CEP112: variants seen among roughly 807,000 people sequenced by gnomAD.
The protein encoded by CEP112 is centrosomal protein of 112 kDa.
Under a neutral mutation model 153.0 loss-of-function variants are expected in CEP112, and 127 were observed. The observed-to-expected ratio is 0.83, with a 90% CI of 0.72 to 0.96. The LOEUF is 0.96. Among genes scored for constraint, CEP112 ranks in the 40% least tolerant of loss-of-function variants. The pLI, the probability that CEP112 is intolerant of heterozygous loss-of-function variation, is 0.00. For synonymous variants in CEP112, 358 were observed against 374.4 expected, an observed-to-expected ratio of 0.96 and a Z score of 0.51; for missense variants, 1,089 against 1,101.2, an observed-to-expected ratio of 0.99 and a Z score of 0.16.
intron 23 of CEP112, among the ~76,000 whole-genome samples, chr17:65,693,815 T>G (rs1307139189): frequency 6.6e-6 from 1 of 152,178 alleles, no homozygotes; most frequent in Non-Finnish European, 1.5e-5. Flanking sequence ...ACAGGACCTC[T>G]GGCAGGGAAT....
At chr17:65,654,765 C>T (rs2045970242) in intron 24 of CEP112, 1 of 365,254 alleles carries the variant, frequency 2.7e-6, no homozygotes, top group Non-Finnish European at 5.3e-6. Context: ...GATTCACACA[C>T]AGAGGAAAGA....
At position 66,130,499 on chromosome 17, in the gene CEP112, G is replaced by A. The variant is rs562753278; in HGVS notation, c.565-676C>T. On this transcript the variant is annotated intron_variant, in intron 5 of 26. Transcript: ENST00000535342. ...CATCATAAAAACACAATTATGGTTG[G>A]GCACAGTGGCTCACACCTGTAATCC... is the stretch of plus-strand genomic sequence containing the variant. 5.3e-5 allele frequency among the ~76,000 whole-genome samples: 8 copies of A among 152,046 alleles called. No homozygotes were observed. In the East Asian group the frequency reaches 1.5e-3, roughly 29 times the overall value.
chr17:66,088,455 A>G (rs2068021271), intron 8 of CEP112, among the ~76,000 whole-genome samples: 6 of 152,006 alleles, frequency 3.9e-5, no homozygotes, highest in Admixed American at 3.3e-4. Context: ...TCATCAGGCC[A>G]GCACTCACAG....
At chr17:65,878,408 CT>C in intron 20 of CEP112, among the ~76,000 whole-genome samples, 1 of 152,226 alleles carries the variant, frequency 6.6e-6, no homozygotes, top group Non-Finnish European at 1.5e-5. Flanking sequence ...TAAAAGTCTG[CT>C]TTTAGTGACC....
chr17:65,818,710 T>C (rs1049088429), intron 21 of CEP112, among the ~76,000 whole-genome samples: 1 of 151,928 alleles, frequency 6.6e-6, no homozygotes, highest in Non-Finnish European at 1.5e-5. Context: ...GTTTTGGTTA[T>C]TTAACACAGC....
chr17:65,851,671 C>T (rs1284824341), intron 21 of CEP112, 133 bp downstream of exon 21: 22 of 648,982 alleles, frequency 3.4e-5, no homozygotes, highest in Admixed American at 9.1e-5. Context: ...TTAAATTCCT[C>T]GACTGAAGAG....
At chr17:65,879,598 T>C (rs1265690369) in intron 20 of CEP112, among the ~76,000 whole-genome samples, 3 of 151,720 alleles carry the variant, frequency 2.0e-5, no homozygotes, top group Non-Finnish European at 2.9e-5. Context: ...CAAATAACTA[T>C]GAAAGATAAA....
chr17:65,770,895 C>T (rs943238655), intron 21 of CEP112, among the ~76,000 whole-genome samples: 2 of 145,848 alleles, frequency 1.4e-5, no homozygotes, highest in African/African-American at 2.5e-5. Flanking sequence ...AGCCACTGCA[C>T]TCCAGCCTGG....
intron 21 of CEP112, among the ~76,000 whole-genome samples, chr17:65,776,032 T>G (rs1346896223): frequency 6.6e-6 from 1 of 152,196 alleles, no homozygotes; most frequent in Non-Finnish European, 1.5e-5. Flanking sequence ...TAATCAGAGA[T>G]GAACTCGCTG....
At chr17:66,062,304 T>C (rs2066954326) in intron 11 of CEP112, among the ~76,000 whole-genome samples, 1 of 152,058 alleles carries the variant, frequency 6.6e-6, no homozygotes, top group Non-Finnish European at 1.5e-5. Context: ...TGGACAATAA[T>C]ATAGGAGAAA....
At chr17:65,819,988 T>C (rs964858803) in intron 21 of CEP112, among the ~76,000 whole-genome samples, 2 of 152,060 alleles carry the variant, frequency 1.3e-5, no homozygotes, top group Non-Finnish European at 2.9e-5. Context: ...GTTTTGGCAA[T>C]TGTACTATAG....
intron 12 of CEP112, among the ~76,000 whole-genome samples, chr17:66,036,766 T>C (rs965060665): frequency 9.9e-5 from 15 of 152,204 alleles, no homozygotes; most frequent in Admixed American, 9.8e-4. Context: ...CTCCAGGACT[T>C]TGATATTCTG....
chr17:65,665,573 T>C (rs2046649378), intron 24 of CEP112, among the ~76,000 whole-genome samples: 1 of 152,184 alleles, frequency 6.6e-6, no homozygotes, highest in Non-Finnish European at 1.5e-5. Context: ...CAGGAACTGA[T>C]AGCAGGTATC....
At chr17:65,899,377 A>G (rs1434644919) in intron 20 of CEP112, among the ~76,000 whole-genome samples, 1 of 152,164 alleles carries the variant, frequency 6.6e-6, no homozygotes, top group African/African-American at 2.4e-5. Context: ...TCAAAGTACT[A>G]TAACAAAAAT....
rs546790730 is a variant in CEP112 at position 66,053,693 on chromosome 17, G to T, written c.1218+43C>A. 14 of 1,577,314 alleles carry T rather than the reference G, an allele frequency of 8.9e-6. No homozygotes were observed. In the East Asian group the frequency reaches 2.5e-4, roughly 28 times the overall value. ...GGAAACATGAGGACATGGAAATTGA[G>T]AAGACAGGTTCTAAGATGTCAAGAA... On this transcript the variant is annotated intron_variant, in intron 12 of 26. Transcript: ENST00000535342.
At chr17:65,971,370 A>G (rs2062787294) in intron 17 of CEP112, among the ~76,000 whole-genome samples, 1 of 118,108 alleles carries the variant, frequency 8.5e-6, no homozygotes, top group Admixed American at 9.7e-5. Flanking sequence ...TGTATATCGC[A>G]TGTATGTACA....
chr17:65,835,754 C>T (rs1370040974), intron 21 of CEP112, among the ~76,000 whole-genome samples: 2 of 152,072 alleles, frequency 1.3e-5, no homozygotes, highest in Admixed American at 6.6e-5. Flanking sequence ...TGAATGCTAA[C>T]ATGTAACAAG....
chr17:65,744,466 C>T lies in CEP112; in HGVS notation c.2458-1249G>A, dbSNP rs145999631. Among the ~76,000 whole-genome samples the T allele has an allele frequency of 9.1e-4, 138 of 152,002 alleles. 2 individuals carry two copies. The East Asian group carries it at 0.012, about 13-fold the overall frequency. On this transcript the variant is annotated intron_variant, in intron 22 of 26. Transcript: ENST00000535342. ...TTCACCATATTGGCCAGACTGGTCT[C>T]GAATTCCTGACCTTGTGATCTGCCC...
chr17:65,817,638 T>C (rs911822053), intron 21 of CEP112, among the ~76,000 whole-genome samples: 18 of 151,942 alleles, frequency 1.2e-4, no homozygotes, highest in Non-Finnish European at 2.9e-5. Context: ...ATTCATTAGA[T>C]CTCACAGGGT....
Sources: allele counts gnomAD v4.1 joint callset (sites outside exome capture counted in the v4.1 genomes callset), GRCh38; gene constraint gnomAD v4.1.1; transcripts MANE v1.5; gene names NCBI Gene and HGNC (gene_info 2026-07-23, HGNC 2026-07-21).